ITGAV: variants seen among roughly 807,000 people sequenced by gnomAD.
ITGAV encodes integrin alpha-V.
ITGAV carries 76 observed loss-of-function variants against 143.8 expected under a neutral mutation model. The ratio of observed to expected loss-of-function variants is 0.53; its 90% CI spans 0.44 to 0.64. The LOEUF (loss-of-function observed/expected upper bound fraction) is 0.64. Among genes scored for constraint, ITGAV ranks in the 30% least tolerant of loss-of-function variants. The probability of loss-of-function intolerance (pLI) is 0.00; values close to 1 mark genes in which losing one functional copy is unlikely to be tolerated. For missense variants in ITGAV, 1,193 were observed against 1,274.7 expected (o/e 0.94, Z 0.98); for synonymous variants, 453 against 446.7 (o/e 1.01, Z -0.18).
At chr2:186,634,349 C>A (rs1687897825) in intron 6 of ITGAV, among the ~76,000 whole-genome samples, 1 of 152,176 alleles carries the variant, frequency 6.6e-6, no homozygotes, top group African/African-American at 2.4e-5. Context: ...TTCTGATATT[C>A]AAGCATTGTC....
At chr2:186,645,017 C>T (rs1054763246) in intron 12 of ITGAV, among the ~76,000 whole-genome samples, 2 of 152,020 alleles carry the variant, frequency 1.3e-5, no homozygotes, top group Admixed American at 1.3e-4. Flanking sequence ...ATGACTGGTA[C>T]GTAGGGTCTG....
intron 17 of ITGAV, among the ~76,000 whole-genome samples, chr2:186,658,263 T>C (rs1264764103): frequency 6.6e-6 from 1 of 152,130 alleles, no homozygotes; most frequent in Non-Finnish European, 1.5e-5. Context: ...TTTTAAAAAC[T>C]TCAAGATTTA....
intron 2 of ITGAV, among the ~76,000 whole-genome samples, chr2:186,621,126 A>C (rs992921580): frequency 6.6e-6 from 1 of 152,192 alleles, no homozygotes; most frequent in African/African-American, 2.4e-5. Context: ...AAATACAATA[A>C]AGTGTTAAAA....
intron 2 of ITGAV, 94 bp from the exon 3 acceptor site, chr2:186,622,245 T>A: frequency 2.5e-6 from 2 of 790,178 alleles, no homozygotes; most frequent in Non-Finnish European, 4.3e-6. Context: ...TAATCAAAGG[T>A]GTACTATTTC....
chr2:186,618,842 C>T (rs1163227482), intron 2 of ITGAV, among the ~76,000 whole-genome samples: 3 of 152,068 alleles, frequency 2.0e-5, no homozygotes, highest in African/African-American at 4.8e-5. Context: ...GAGTACAGTA[C>T]GGAGGTTCCT....
intron 6 of ITGAV, among the ~76,000 whole-genome samples, chr2:186,634,282 CAT>C (rs3835764): frequency 0.25 from 37,499 of 151,866 alleles, 5,396 homozygotes; most frequent in East Asian, 0.73. Flanking sequence ...AATATATTGA[CAT>C]GTTTAGTTTC....
At chr2:186,669,065 T>C in intron 25 of ITGAV, 145 bp downstream of exon 25, 4 of 622,726 alleles carry the variant, frequency 6.4e-6, no homozygotes, top group Non-Finnish European at 1.1e-5. Flanking sequence ...AGCAGTACAC[T>C]TAGGATAAGT....
At chr2:186,611,069 C>T (rs914291639) in intron 2 of ITGAV, among the ~76,000 whole-genome samples, 1 of 152,112 alleles carries the variant, frequency 6.6e-6, no homozygotes, top group African/African-American at 2.4e-5. Flanking sequence ...GCTTGTAGAG[C>T]CATTGGCATT....
At chr2:186,601,437 G>A (rs946239131) in intron 1 of ITGAV, among the ~76,000 whole-genome samples, 1 of 150,996 alleles carries the variant, frequency 6.6e-6, no homozygotes, top group African/African-American at 2.4e-5. Flanking sequence ...TCCAGCCTGG[G>A]TGACAAAGCA....
intron 15 of ITGAV, among the ~76,000 whole-genome samples, chr2:186,653,001 A>G (rs1444616861): frequency 7.6e-6 from 1 of 131,584 alleles, no homozygotes; most frequent in Non-Finnish European, 1.5e-5. Context: ...TGCAGACTGC[A>G]GTGGCGCAAT....
At position 186,664,231 on chromosome 2, in the gene ITGAV, T is replaced by C. The variant is rs148933827; in HGVS notation, c.1926-263T>C. 3.0e-3 allele frequency among the ~76,000 whole-genome samples: 463 copies of C among 152,342 alleles called. 4 individuals carry two copies. Among genetic ancestry groups the C allele is most frequent in the African/African-American group, 0.01 (432 of 41,578 alleles). The stretch of plus-strand genomic sequence containing the variant: ...AGAAAAATATTGGGGAATTACAAAG[T>C]ACATGTAATTCACTTCAGTAATAGA... On this transcript the variant is annotated intron_variant, in intron 19 of 29. Transcript: ENST00000261023.
intron 2 of ITGAV, among the ~76,000 whole-genome samples, chr2:186,613,148 CTTTT>C (rs76180545): frequency 8.3e-6 from 1 of 120,330 alleles, no homozygotes; most frequent in African/African-American, 3.1e-5. Flanking sequence ...ATGGGATTGG[CTTTT>C]TTTTTTTTTT....
rs1412675274 is a variant in ITGAV, at chr2:186,619,124, TA to T, written c.317-3214del. ...ATATAGTATATTTTATATATATATATATATTTAGTGTGTACATATATTCCTG... is the reference window on the plus strand; with the variant it reads ...ATATAGTATATTTTATATATATATATTATTTAGTGTGTACATATATTCCTG... On this transcript the variant is annotated intron_variant, in intron 2 of 29. Coordinates refer to ENST00000261023, the MANE Select transcript of ITGAV (RefSeq NM_002210.5). Among the ~76,000 whole-genome samples the T allele has an allele frequency of 4.7e-5, 7 of 149,248 alleles. No homozygotes were observed. The East Asian group carries it at 1.4e-3, about 29-fold the overall frequency.
At chr2:186,667,504 T>G (rs1399867521) in intron 23 of ITGAV, 167 bp from the exon 24 acceptor site, 1 of 523,242 alleles carries the variant, frequency 1.9e-6, no homozygotes, top group Non-Finnish European at 3.4e-6. Context: ...GTACATTTCA[T>G]AAGAGCAGTT....
At chr2:186,667,033 G>C in intron 22 of ITGAV, 117 bp from the exon 23 acceptor site, 1 of 614,302 alleles carries the variant, frequency 1.6e-6, no homozygotes, top group Non-Finnish European at 2.7e-6. Context: ...TAACTATTTT[G>C]AGGTATAAGC....
At chr2:186,622,902 A>G (rs1217579874) in intron 3 of ITGAV, among the ~76,000 whole-genome samples, 1 of 152,066 alleles carries the variant, frequency 6.6e-6, no homozygotes, top group Non-Finnish European at 1.5e-5. Context: ...AGCTGGGATT[A>G]CAGGCACCTG....
chr2:186,650,293 T>C (rs1363394210), intron 14 of ITGAV, among the ~76,000 whole-genome samples: 2 of 152,266 alleles, frequency 1.3e-5, no homozygotes, highest in East Asian at 3.9e-4. Context: ...CTCTGCCCCC[T>C]GGGTTCAAAC....
chr2:186,640,869 C>G (rs1688082987), intron 10 of ITGAV, 46 bp from the exon 11 acceptor site: 3 of 1,449,804 alleles, frequency 2.1e-6, no homozygotes, highest in East Asian at 2.4e-5. Flanking sequence ...ATTGTCTAAA[C>G]TAATTGGATG....
At chr2:186,668,181 C>CATACATATATATATATAT (rs1221961767) in intron 24 of ITGAV, among the ~76,000 whole-genome samples, 1 of 29,062 alleles carries the variant, frequency 3.4e-5, no homozygotes, top group Non-Finnish European at 6.5e-5. Flanking sequence ...TTTATACATA[C>CATACATATATATATATAT]ATACATATAT....
Sources: allele counts gnomAD v4.1 joint callset (sites outside exome capture counted in the v4.1 genomes callset), GRCh38; gene constraint gnomAD v4.1.1; transcripts MANE v1.5; gene names NCBI Gene and HGNC (gene_info 2026-07-23, HGNC 2026-07-21).